The following BNC2 variants were observed in gnomAD, a reference collection of about 807,000 sequenced individuals.
The protein encoded by BNC2 is basonuclin zinc finger protein 2, also known as zinc finger protein basonuclin-2.
A neutral mutation model predicts 76.3 loss-of-function variants in BNC2; 20 were observed. That is an observed-to-expected ratio of 0.26 (90% CI 0.18 to 0.38). The LOEUF (loss-of-function observed/expected upper bound fraction) is 0.38. Among genes scored for constraint, BNC2 ranks in the 10% least tolerant of loss-of-function variants. The probability of loss-of-function intolerance (pLI) is 1.00; values close to 1 mark genes in which losing one functional copy is unlikely to be tolerated. For synonymous variants in BNC2, 582 were observed against 514.8 expected, an observed-to-expected ratio of 1.13 and a Z score of -1.77; for missense variants, 1,382 against 1,399.8, an observed-to-expected ratio of 0.99 and a Z score of 0.20.
intron 3 of BNC2, chr9:16,699,062 T>A: frequency 2.5e-6 from 1 of 398,360 alleles, no homozygotes; most frequent in Non-Finnish European, 5.0e-6. Flanking sequence ...AAAGCTAAGA[T>A]GGTATTTTTA....
At chr9:16,651,368 C>A (rs1481536152) in intron 3 of BNC2, among the ~76,000 whole-genome samples, 1 of 152,216 alleles carries the variant, frequency 6.6e-6, no homozygotes, top group Non-Finnish European at 1.5e-5. Context: ...ATCAGACCCA[C>A]TTTACATTTC....
chr9:16,862,551 T>G (rs1357385205), intron 1 of BNC2, among the ~76,000 whole-genome samples: 1 of 152,150 alleles, frequency 6.6e-6, no homozygotes, highest in Non-Finnish European at 1.5e-5. Context: ...CAGGCAACAG[T>G]ACAACTGCCT....
intron 5 of BNC2, among the ~76,000 whole-genome samples, chr9:16,451,650 T>TTTTCA (rs1235982557): frequency 1.3e-5 from 2 of 152,200 alleles, no homozygotes; most frequent in African/African-American, 2.4e-5. Flanking sequence ...GGTATGCCCA[T>TTTTCA]TTTCATACTT....
At chr9:16,724,731 G>T (rs538810637) in intron 3 of BNC2, among the ~76,000 whole-genome samples, 20 of 152,132 alleles carry the variant, frequency 1.3e-4, no homozygotes, top group African/African-American at 4.8e-4. Flanking sequence ...AAAAGACAAA[G>T]ATTTTTGTAT....
At chr9:16,824,625 C>G (rs1366710545) in intron 1 of BNC2, among the ~76,000 whole-genome samples, 2 of 152,170 alleles carry the variant, frequency 1.3e-5, no homozygotes, top group Non-Finnish European at 2.9e-5. Context: ...GCTGTCACTT[C>G]TAGTCACTGC....
chr9:16,844,867 C>A (rs974895294), intron 1 of BNC2, among the ~76,000 whole-genome samples: 5 of 152,168 alleles, frequency 3.3e-5, no homozygotes, highest in Non-Finnish European at 7.3e-5. Flanking sequence ...TGGGGCAGAA[C>A]AACTCATCAC....
At chr9:16,474,053 G>A (rs1035251753) in intron 5 of BNC2, among the ~76,000 whole-genome samples, 1 of 152,072 alleles carries the variant, frequency 6.6e-6, no homozygotes, top group Non-Finnish European at 1.5e-5. Context: ...CTGGGTCTTT[G>A]ATACCAAAGA....
At chr9:16,585,455 T>A (rs761014347) in intron 3 of BNC2, among the ~76,000 whole-genome samples, 6 of 152,212 alleles carry the variant, frequency 3.9e-5, no homozygotes, top group Non-Finnish European at 8.8e-5. Flanking sequence ...ATCCATTTTG[T>A]ATATCTATGA....
chr9:16,861,312 C>T (rs1403120233), intron 1 of BNC2, among the ~76,000 whole-genome samples: 2 of 151,546 alleles, frequency 1.3e-5, no homozygotes, highest in Non-Finnish European at 2.9e-5. Flanking sequence ...CATAATCATA[C>T]CACTGCACTC....
At chr9:16,573,486 T>C (rs1819390102) in intron 4 of BNC2, among the ~76,000 whole-genome samples, 1 of 151,970 alleles carries the variant, frequency 6.6e-6, no homozygotes, top group Admixed American at 6.5e-5. Context: ...ATTTCAAGTG[T>C]TCAAAGCCAT....
At chr9:16,859,365 A>G (rs1005379858) in intron 1 of BNC2, among the ~76,000 whole-genome samples, 1 of 152,246 alleles carries the variant, frequency 6.6e-6, no homozygotes, top group Non-Finnish European at 1.5e-5. Context: ...AAAGATTGAA[A>G]GCAGTATCTT....
chr9:16,711,777 A>G (rs971467230), intron 3 of BNC2, among the ~76,000 whole-genome samples: 1 of 152,236 alleles, frequency 6.6e-6, no homozygotes, highest in African/African-American at 2.4e-5. Context: ...AACAATGAAT[A>G]CATGCATGAA....
intron 5 of BNC2, among the ~76,000 whole-genome samples, chr9:16,454,503 T>C (rs953598861): frequency 1.3e-5 from 2 of 152,146 alleles, no homozygotes; most frequent in African/African-American, 4.8e-5. Flanking sequence ...GGGATCTCAT[T>C]ATGTTGCCTA....
chr9:16,827,532 G>A (rs1402423620), intron 1 of BNC2, among the ~76,000 whole-genome samples: 1 of 152,140 alleles, frequency 6.6e-6, no homozygotes, highest in Non-Finnish European at 1.5e-5. Flanking sequence ...AGAATCCGGA[G>A]AACTCAGTCA....
intron 4 of BNC2, among the ~76,000 whole-genome samples, chr9:16,561,579 C>A (rs1819017141): frequency 1.3e-5 from 2 of 152,204 alleles, no homozygotes; most frequent in Admixed American, 1.3e-4. Flanking sequence ...ATTCTTGTTT[C>A]TCTTCTGAAA....
At chr9:16,577,964 A>AT (rs1183595787) in intron 4 of BNC2, among the ~76,000 whole-genome samples, 1 of 152,138 alleles carries the variant, frequency 6.6e-6, no homozygotes. Context: ...TATAAAATGT[A>AT]TTTTTTATTC....
At chr9:16,710,970 C>G (rs963209174) in intron 3 of BNC2, among the ~76,000 whole-genome samples, 4 of 152,184 alleles carry the variant, frequency 2.6e-5, no homozygotes, top group African/African-American at 9.7e-5. Flanking sequence ...AAGCAATTTT[C>G]TATTCCCCAA....
chr9:16,599,057 T>C (rs1023887921), intron 3 of BNC2, among the ~76,000 whole-genome samples: 3 of 152,178 alleles, frequency 2.0e-5, no homozygotes, highest in African/African-American at 4.8e-5. Context: ...CAACTGAACA[T>C]TAAAATGTAT....
intron 1 of BNC2, among the ~76,000 whole-genome samples, chr9:16,834,986 G>C (rs951201178): frequency 2.6e-5 from 4 of 152,112 alleles, no homozygotes; most frequent in Non-Finnish European, 5.9e-5. Context: ...GTCGGTCATG[G>C]ATATCCACGG....
Sources: allele counts gnomAD v4.1 joint callset (sites outside exome capture counted in the v4.1 genomes callset), GRCh38; gene constraint gnomAD v4.1.1; transcripts MANE v1.5; gene names NCBI Gene and HGNC (gene_info 2026-07-23, HGNC 2026-07-21).